Variants in ARHGEF11 observed in about 807,000 individuals in gnomAD.
The protein encoded by ARHGEF11 is Rho guanine nucleotide exchange factor 11, also known as Rho guanine exchange factor (GEF) 11.
A neutral mutation model predicts 193.7 loss-of-function variants in ARHGEF11; 55 were observed. The observed-to-expected ratio is 0.28, with a 90% confidence interval of 0.23 to 0.36. The LOEUF is 0.36. ARHGEF11 is among the 10% of genes least tolerant of loss of function. The probability of loss-of-function intolerance (pLI) is 1.00; values close to 1 mark genes in which losing one functional copy is unlikely to be tolerated. For missense variants in ARHGEF11, 1,723 were observed against 2,005.6 expected (o/e 0.86, Z 2.69); for synonymous variants, 693 against 768.0 (o/e 0.90, Z 1.62).
At chr1:157,041,739 C>A (rs1318970648) in intron 1 of ARHGEF11, among the ~76,000 whole-genome samples, 4 of 152,176 alleles carry the variant, frequency 2.6e-5, no homozygotes, top group African/African-American at 4.8e-5. Context: ...GCTAGGCACA[C>A]AGGATTTCAT....
intron 1 of ARHGEF11, among the ~76,000 whole-genome samples, chr1:156,986,462 G>T (rs879487916): frequency 6.6e-6 from 1 of 152,176 alleles, no homozygotes; most frequent in East Asian, 1.9e-4. Flanking sequence ...TAGCAAGAAG[G>T]GGATGTGCAC....
rs554220353 is a variant in ARHGEF11 at position 156,947,134 on chromosome 1, G to A, written c.2489-119C>T. On this transcript the variant is annotated intron_variant, in intron 26 of 40. Coordinates refer to ENST00000368194, the MANE Select transcript of ARHGEF11 (RefSeq NM_198236.3). ...CCATGGGAAGGGTCTGGAAACCATT[G>A]TACTTTCGGGGTGAACTCCAGTGCT... 11 of 1,474,770 alleles carry A rather than the reference G, an allele frequency of 7.5e-6. No homozygotes were observed. In the South Asian group the frequency reaches 1.2e-4, roughly 16 times the overall value. 91.4% of individuals were successfully genotyped at this position (1,474,770 alleles called of 1,614,324 possible).
intron 3 of ARHGEF11, among the ~76,000 whole-genome samples, chr1:156,981,861 G>C (rs1009496849): frequency 2.0e-5 from 3 of 152,174 alleles, no homozygotes; most frequent in African/African-American, 7.2e-5. Context: ...ACAAGTTAAT[G>C]AGAAGCATAA....
chr1:157,021,045 G>A (rs570617158), intron 1 of ARHGEF11, among the ~76,000 whole-genome samples: 1 of 152,326 alleles, frequency 6.6e-6, no homozygotes, highest in South Asian at 2.1e-4. Flanking sequence ...AGAAAAGGTG[G>A]AGAAAGCAAA....
At chr1:156,994,660 T>C (rs1666236065) in intron 1 of ARHGEF11, among the ~76,000 whole-genome samples, 1 of 152,148 alleles carries the variant, frequency 6.6e-6, no homozygotes, top group African/African-American at 2.4e-5. Context: ...TTGAGAAGGT[T>C]GGTTAGCTTG....
At chr1:156,973,264 G>C (rs1391539426) in intron 7 of ARHGEF11, among the ~76,000 whole-genome samples, 2 of 152,148 alleles carry the variant, frequency 1.3e-5, no homozygotes, top group East Asian at 1.9e-4. Flanking sequence ...TCTACAACTA[G>C]GGCCCTGCAC....
chr1:156,953,567 G>A (rs569395675), intron 21 of ARHGEF11, among the ~76,000 whole-genome samples: 1 of 152,064 alleles, frequency 6.6e-6, no homozygotes, highest in South Asian at 2.1e-4. Context: ...TACAGTCTAG[G>A]AATTTAGTAA....
chr1:156,986,158 A>C lies in ARHGEF11; in HGVS notation c.48T>G (p.Ser16=), dbSNP rs1664890151. 1.2e-6 allele frequency: 2 copies of C among 1,613,762 alleles called. No homozygotes were observed. The highest frequency in any genetic ancestry group is 1.7e-6 in the Non-Finnish European group (2 of 1,179,824). The change falls in exon 2 of 41, where the codon TCT becomes TCG. Residue 16 remains serine, a synonymous_variant. Transcript: ENST00000368194. ...GCTCTGGTGCAGAATCTCCCAGAGA[A>C]GACAGGCTACTTAACCTGGAGAAGG... ...PQSIDRLSSL[S]SLGDSAPERK... is the part of the protein sequence containing the mutation.
At position 156,980,417 on chromosome 1, in the gene ARHGEF11, T is replaced by C. The variant is rs1337208759; in HGVS notation, c.273+20A>G. On this transcript the variant is annotated intron_variant, in intron 4 of 40. Transcript: ENST00000368194. ...CTATTTCCACTGCTGGGAGTGGGAG[T>C]GTGTGTTGGGGTCACTCACTTTGAT... 7.5e-6 allele frequency: 12 copies of C among 1,600,744 alleles called. No individual in the cohort carries two copies. The highest frequency in any genetic ancestry group is 1.0e-5 in the Non-Finnish European group (12 of 1,173,016).
intron 1 of ARHGEF11, among the ~76,000 whole-genome samples, chr1:157,026,983 G>A (rs1035603103): frequency 6.6e-6 from 1 of 152,324 alleles, no homozygotes; most frequent in East Asian, 1.9e-4. Context: ...AATGCCGAGA[G>A]AACCAGTCAA....
chr1:157,039,352 C>T (rs906421374), intron 1 of ARHGEF11, among the ~76,000 whole-genome samples: 2 of 152,170 alleles, frequency 1.3e-5, no homozygotes, highest in Admixed American at 6.5e-5. Context: ...AAACTGAGGT[C>T]GAGGGCAGGT....
rs768018061 is a variant in ARHGEF11 at position 156,958,792 on chromosome 1, G to C, written c.1452C>G (p.Leu484=). Residue 484 remains leucine (L), a synonymous_variant, in exon 17 of 41, where the codon CTC becomes CTG. Transcript: ENST00000368194. ...GCTTCTCAGCCACTTGGCGCTCTCG[G>C]AGAGGGTCCCCATCCAGGTCCAGCA... ...NDLLDLDGDP[L]RERQVAEKQL... The C allele has an allele frequency of 6.2e-7, 1 of 1,614,200 alleles. No homozygotes were observed. The highest frequency in any genetic ancestry group is 1.1e-5 in the South Asian group (1 of 91,074).
rs1404267192 is a variant in ARHGEF11 at position 156,946,936 on chromosome 1, C to T, written c.2568G>A (p.Arg856=). ...AAGAGGGAGAAGTTTGGAGCCATAC[C>T]CGGGCCAGCATGAGGTCACTGATCT... ...IKEISDLMLA[R]FDGPAREELQ... is the part of the protein sequence containing the mutation. Residue 856 remains arginine, a splice_region_variant and synonymous_variant, in exon 27 of 41, where the codon CGG becomes CGA. Transcript: ENST00000368194. The T allele has an allele frequency of 6.2e-7, 1 of 1,613,874 alleles. No homozygotes were observed. Among genetic ancestry groups the T allele is most frequent in the African/African-American group, 1.3e-5 (1 of 74,924 alleles).
intron 1 of ARHGEF11, 41 bp from the exon 2 acceptor site, chr1:156,986,214 G>A (rs926186467): frequency 1.3e-6 from 2 of 1,538,392 alleles, no homozygotes; most frequent in Admixed American, 1.7e-5. Context: ...GAGCTCAGCA[G>A]GGGGGATCAG....
Position 156,935,690 on chromosome 1 carries a change from C to T in ARHGEF11, c.*310G>A, listed in dbSNP as rs772150271. ...AGGGCAGCGCACATACAGGCGTGCG[C>T]GTGTACACACATATGTGGGGTGAGG... On this transcript the variant is annotated 3_prime_UTR_variant, in exon 41 of 41. Coordinates refer to ENST00000368194, the MANE Select transcript of ARHGEF11 (RefSeq NM_198236.3). The T allele has an allele frequency of 2.0e-5, 7 of 343,242 alleles. No individual in the cohort carries two copies. Among genetic ancestry groups the T allele is most frequent in the East Asian group, 1.0e-4 (2 of 19,234 alleles). 21.3% of individuals were successfully genotyped at this position (343,242 alleles called of 1,614,324 possible).
intron 32 of ARHGEF11, among the ~76,000 whole-genome samples, chr1:156,943,025 GT>G (rs1045648289): frequency 1.1e-4 from 16 of 151,678 alleles, no homozygotes; most frequent in Admixed American, 8.5e-4. Flanking sequence ...TCTAATAACA[GT>G]GATGGCTGAT....
intron 17 of ARHGEF11, 81 bp from the exon 18 acceptor site, chr1:156,957,896 G>A: frequency 7.1e-7 from 1 of 1,409,336 alleles, no homozygotes; most frequent in Admixed American, 1.7e-5. Flanking sequence ...AGGAGGGTAA[G>A]TTTTTCCTAG....
chr1:156,991,738 A>G, intron 1 of ARHGEF11, among the ~76,000 whole-genome samples: 2 of 85,876 alleles, frequency 2.3e-5, no homozygotes, highest in Non-Finnish European at 4.3e-5. Context: ...TTTTTTTGAG[A>G]CGGAGTCTCG....
Position 156,969,984 on chromosome 1 carries a change from G to A in ARHGEF11, c.748+14C>T. On this transcript the variant is annotated intron_variant, in intron 9 of 40. Transcript: ENST00000368194. ...GAGATATGCCAGAGAAAAAAGGGGT[G>A]ATGGGGGACTTACCTTCTGATGGTC... 6.2e-7 allele frequency: 1 copy of A among 1,613,784 alleles called. No homozygotes were observed.
Sources: gnomAD v4.1 joint callset for allele counts (sites outside exome capture counted in the v4.1 genomes callset) on GRCh38, gnomAD v4.1.1 for gene constraint, MANE v1.5 for transcripts, NCBI Gene and HGNC (gene_info 2026-07-23, HGNC 2026-07-21) for gene names.